Variants in NELL2 observed in about 807,000 individuals in gnomAD.
NELL2 encodes the protein neural EGFL like 2.
Under a neutral mutation model 109.6 loss-of-function variants are expected in NELL2, and 41 were observed. That is an observed-to-expected ratio of 0.37 (90% CI 0.29 to 0.49). The LOEUF (loss-of-function observed/expected upper bound fraction) is 0.49, where lower values mean the gene tolerates loss of function less well. Ranked by LOEUF, NELL2 falls within the 20% of genes least tolerant of loss-of-function variation. The pLI is 0.98. For missense variants in NELL2, 900 were observed against 1,008.3 expected, an observed-to-expected ratio of 0.89 and a Z score of 1.45; for synonymous variants, 355 against 344.7, an observed-to-expected ratio of 1.03 and a Z score of -0.33.
At chr12:44,624,790 T>A (rs1304379837) in intron 13 of NELL2, among the ~76,000 whole-genome samples, 2 of 151,454 alleles carry the variant, frequency 1.3e-5, no homozygotes, top group African/African-American at 4.8e-5. Context: ...TGCTTCTCTG[T>A]CTTCTAACTT....
At chr12:44,645,504 A>G (rs2136307954) in intron 13 of NELL2, among the ~76,000 whole-genome samples, 1 of 152,328 alleles carries the variant, frequency 6.6e-6, no homozygotes, top group African/African-American at 2.4e-5. Context: ...GGGTGGCCTC[A>G]GTGTCCATGG....
At chr12:44,645,472 T>G (rs1947060711) in intron 13 of NELL2, among the ~76,000 whole-genome samples, 1 of 152,140 alleles carries the variant, frequency 6.6e-6, no homozygotes, top group Non-Finnish European at 1.5e-5. Flanking sequence ...AAGTTGGGTG[T>G]CCAGAATGAG....
At chr12:44,631,604 T>C (rs1006797928) in intron 13 of NELL2, among the ~76,000 whole-genome samples, 1 of 152,038 alleles carries the variant, frequency 6.6e-6, no homozygotes, top group Non-Finnish European at 1.5e-5. Context: ...TGGGTAACAG[T>C]ATCAATCACA....
intron 9 of NELL2, among the ~76,000 whole-genome samples, chr12:44,747,946 C>G (rs992601313): frequency 6.6e-6 from 1 of 152,128 alleles, no homozygotes; most frequent in Non-Finnish European, 1.5e-5. Flanking sequence ...ACTAACCAAA[C>G]TCGTAATGGA....
chr12:44,737,082 T>TG (rs1251681539), intron 9 of NELL2, among the ~76,000 whole-genome samples: 1 of 152,066 alleles, frequency 6.6e-6, no homozygotes, highest in Non-Finnish European at 1.5e-5. Flanking sequence ...ATAGGTAATA[T>TG]TTTTCTATTT....
At chr12:44,692,925 T>TC (rs1948943866) in intron 12 of NELL2, among the ~76,000 whole-genome samples, 1 of 152,186 alleles carries the variant, frequency 6.6e-6, no homozygotes. Context: ...GCTATGAGCA[T>TC]TGTTGAAATG....
At chr12:44,778,133 C>T (rs1308569399) in intron 5 of NELL2, among the ~76,000 whole-genome samples, 1 of 152,062 alleles carries the variant, frequency 6.6e-6, no homozygotes, top group Non-Finnish European at 1.5e-5. Flanking sequence ...TAATATTTTA[C>T]TTTATCCATT....
intron 9 of NELL2, among the ~76,000 whole-genome samples, chr12:44,771,730 C>A (rs1026820188): frequency 2.0e-5 from 3 of 152,228 alleles, no homozygotes; most frequent in African/African-American, 7.2e-5. Context: ...CTTCTGACTT[C>A]TTTCCCAGAA....
intron 3 of NELL2, among the ~76,000 whole-genome samples, chr12:44,807,627 A>G (rs1943046517): frequency 6.6e-6 from 1 of 152,032 alleles, no homozygotes; most frequent in Non-Finnish European, 1.5e-5. Context: ...TTTATTCCCA[A>G]GTGAAGAAAA....
At chr12:44,774,034 C>A (rs921177449) in intron 9 of NELL2, among the ~76,000 whole-genome samples, 1 of 152,140 alleles carries the variant, frequency 6.6e-6, no homozygotes, top group African/African-American at 2.4e-5. Context: ...TGTTACTACT[C>A]CTTTGTGGAA....
At chr12:44,834,279 T>C (rs1943978183) in intron 2 of NELL2, among the ~76,000 whole-genome samples, 1 of 152,206 alleles carries the variant, frequency 6.6e-6, no homozygotes, top group Non-Finnish European at 1.5e-5. Context: ...ACTCTAATTT[T>C]GTTTTTCTCA....
intron 15 of NELL2, among the ~76,000 whole-genome samples, chr12:44,571,288 G>A (rs1943864826): frequency 6.6e-6 from 1 of 152,106 alleles, no homozygotes; most frequent in Non-Finnish European, 1.5e-5. Flanking sequence ...GCATAGTAGT[G>A]CCTTCTTGGC....
chr12:44,897,332 T>C (rs1335890674), intron 1 of NELL2, among the ~76,000 whole-genome samples: 1 of 152,054 alleles, frequency 6.6e-6, no homozygotes, highest in Non-Finnish European at 1.5e-5. Context: ...CCCCGTAAGA[T>C]GGCCAAATAG....
At chr12:44,669,753 A>C (rs377746930) in intron 12 of NELL2, among the ~76,000 whole-genome samples, 4 of 152,272 alleles carry the variant, frequency 2.6e-5, no homozygotes, top group South Asian at 2.1e-4. Flanking sequence ...AAGAAAGCCT[A>C]GGTGTCCTAT....
At chr12:44,558,195 A>AG (rs1176071195) in intron 15 of NELL2, among the ~76,000 whole-genome samples, 2 of 152,244 alleles carry the variant, frequency 1.3e-5, no homozygotes. Context: ...GACCAGTAAA[A>AG]GGGGAAAGAC....
At chr12:44,745,176 C>A (rs1314265404) in intron 9 of NELL2, among the ~76,000 whole-genome samples, 1 of 152,132 alleles carries the variant, frequency 6.6e-6, no homozygotes, top group Admixed American at 6.6e-5. Context: ...TGTAATCCAG[C>A]ATATAAACGG....
chr12:44,634,408 T>C (rs1048600232), intron 13 of NELL2, among the ~76,000 whole-genome samples: 1 of 151,848 alleles, frequency 6.6e-6, no homozygotes, highest in Non-Finnish European at 1.5e-5. Context: ...CACTTATTAG[T>C]GAGAACATGT....
chr12:44,691,507 TTAA>T (rs1411684304), intron 12 of NELL2, among the ~76,000 whole-genome samples: 1 of 152,100 alleles, frequency 6.6e-6, no homozygotes, highest in Non-Finnish European at 1.5e-5. Flanking sequence ...ATTAGGCCAA[TTAA>T]TAAGTGTTCA....
intron 12 of NELL2, among the ~76,000 whole-genome samples, chr12:44,666,029 T>C (rs1404397156): frequency 6.6e-6 from 1 of 152,146 alleles, no homozygotes; most frequent in East Asian, 1.9e-4. Context: ...AAATAAAGTG[T>C]TCGATATAAA....
Sources: gnomAD v4.1 joint callset for allele counts (sites outside exome capture counted in the v4.1 genomes callset) on GRCh38, gnomAD v4.1.1 for gene constraint, MANE v1.5 for transcripts, NCBI Gene and HGNC (gene_info 2026-07-23, HGNC 2026-07-21) for gene names.